PTPRG: variants seen among roughly 807,000 people sequenced by gnomAD.
PTPRG encodes protein tyrosine phosphatase receptor type G.
PTPRG carries 102 observed loss-of-function variants against 165.3 expected under a neutral mutation model. The ratio of observed to expected loss-of-function variants is 0.62; its 90% CI spans 0.53 to 0.73. PTPRG has a LOEUF of 0.73. Ranked by LOEUF, PTPRG falls within the 30% of genes least tolerant of loss-of-function variation. The pLI, the probability that PTPRG is intolerant of heterozygous loss-of-function variation, is 0.00. For synonymous variants in PTPRG, 675 were observed against 669.5 expected, an observed-to-expected ratio of 1.01 and a Z score of -0.13; for missense variants, 1,866 against 1,861.4, an observed-to-expected ratio of 1.00 and a Z score of -0.05.
intron 2 of PTPRG, among the ~76,000 whole-genome samples, chr3:61,787,179 T>A (rs909434074): frequency 6.6e-6 from 1 of 152,176 alleles, no homozygotes; most frequent in Non-Finnish European, 1.5e-5. Flanking sequence ...TGTTCTTCTC[T>A]CCGTCCTAAC....
Position 62,297,072 on chromosome 3 carries a change from T to C in PTPRG, c.*3765T>C, listed in dbSNP as rs1703086112. 6.6e-6 allele frequency: 1 copy of C among 152,094 alleles called. No homozygotes were observed. The highest frequency in any genetic ancestry group is 2.1e-4 in the South Asian group (1 of 4,830). The allele number at this position is 152,094 out of a possible 1,614,324, so 9.4% of individuals were successfully genotyped here. The stretch of plus-strand genomic sequence containing the variant: ...TCACATTGACTCATGTTTCTTTCAC[T>C]CCATTTTGAAATAGCTAAAAATCAT... On this transcript the variant is annotated 3_prime_UTR_variant, in exon 30 of 30. Coordinates refer to ENST00000474889, the MANE Select transcript of PTPRG (RefSeq NM_002841.4).
intron 4 of PTPRG, among the ~76,000 whole-genome samples, chr3:62,005,266 C>T (rs1392312111): frequency 6.6e-6 from 1 of 152,182 alleles, no homozygotes; most frequent in Non-Finnish European, 1.5e-5. Flanking sequence ...AATTGGTTCT[C>T]TTCCACCCTT....
At chr3:61,570,623 G>A (rs547163970) in intron 1 of PTPRG, among the ~76,000 whole-genome samples, 141 of 152,248 alleles carry the variant, frequency 9.3e-4, no homozygotes, top group Non-Finnish European at 1.8e-3. Context: ...ATCCTGCAGT[G>A]CACTTAAATC....
chr3:62,189,419 T>C lies in PTPRG; in HGVS notation c.1034-2050T>C, dbSNP rs549224548. Among the ~76,000 whole-genome samples the C allele has an allele frequency of 2.0e-5, 3 of 152,244 alleles. No homozygotes were observed. In the East Asian group the frequency reaches 5.8e-4, roughly 29 times the overall value. ...TGAGTAGGAAATACGGGAGTCTGGTTCCTGGTGGGCTGCAGGGCATGTGGG... is the reference window on the plus strand; with the variant it reads ...TGAGTAGGAAATACGGGAGTCTGGTCCCTGGTGGGCTGCAGGGCATGTGGG... On this transcript the variant is annotated intron_variant, in intron 8 of 29. Coordinates refer to ENST00000474889, the MANE Select transcript of PTPRG (RefSeq NM_002841.4).
intron 1 of PTPRG, among the ~76,000 whole-genome samples, chr3:61,741,365 C>T (rs2032976941): frequency 6.6e-6 from 1 of 152,176 alleles, no homozygotes; most frequent in African/African-American, 2.4e-5. Flanking sequence ...AGAACTAGGA[C>T]TCTGTATATG....
rs778994257 is a variant in PTPRG at position 62,281,537 on chromosome 3, G to GGTTTTTTTTTTTTTTT, written c.3766-26_3766-25insGTTTTTTTTTTTTTTT. Reference sequence around the variant, plus strand: ...ACAAATCCTTGACAGAACTGCAGAGGCTTTTTTTTTTTTTGGATTCCAAAG... The same window carrying GGTTTTTTTTTTTTTTT: ...ACAAATCCTTGACAGAACTGCAGAGGGTTTTTTTTTTTTTTTCTTTTTTTTTTTTTGGATTCCAAAG... On this transcript the variant is annotated intron_variant, in intron 26 of 29. Transcript: ENST00000474889. 6 of 175,040 alleles carry GGTTTTTTTTTTTTTTT rather than the reference G, an allele frequency of 3.4e-5. 1 individual carries two copies. Among genetic ancestry groups the GGTTTTTTTTTTTTTTT allele is most frequent in the Admixed American group, 2.7e-4 (1 of 3,740 alleles). The allele number at this position is 175,040 out of a possible 1,614,324, so 10.8% of individuals were successfully genotyped here.
intron 2 of PTPRG, among the ~76,000 whole-genome samples, chr3:61,980,879 C>T (rs2040624337): frequency 6.6e-6 from 1 of 152,202 alleles, no homozygotes; most frequent in African/African-American, 2.4e-5. Flanking sequence ...TCTTCATTCA[C>T]ATTCAAGGGA....
At chr3:62,165,791 C>G (rs1351380720) in intron 7 of PTPRG, among the ~76,000 whole-genome samples, 1 of 152,064 alleles carries the variant, frequency 6.6e-6, no homozygotes, top group Non-Finnish European at 1.5e-5. Flanking sequence ...TTTTGCATGG[C>G]TAATATCACT....
intron 26 of PTPRG, among the ~76,000 whole-genome samples, chr3:62,279,368 C>G (rs915777174): frequency 6.6e-6 from 1 of 152,054 alleles, no homozygotes; most frequent in African/African-American, 2.4e-5. Context: ...CATTTTTCTA[C>G]CTTTCTTCTA....
chr3:62,284,831 A>T (rs1702579155), intron 28 of PTPRG, among the ~76,000 whole-genome samples: 1 of 152,128 alleles, frequency 6.6e-6, no homozygotes, highest in Non-Finnish European at 1.5e-5. Flanking sequence ...TTCTTTCAGT[A>T]GACTTTTGAA....
chr3:62,111,691 C>T (rs1008853441), intron 5 of PTPRG, among the ~76,000 whole-genome samples: 4 of 152,152 alleles, frequency 2.6e-5, no homozygotes, highest in Non-Finnish European at 5.9e-5. Flanking sequence ...TCAGGTGACC[C>T]TCTGGCCTCG....
Position 62,295,017 on chromosome 3 carries a change from G to GTCA in PTPRG, c.*1711_*1713dup, listed in dbSNP as rs1228860400. 1 of 152,098 alleles carries GTCA rather than the reference G, an allele frequency of 6.6e-6. No individual in the cohort carries two copies. Among genetic ancestry groups the GTCA allele is most frequent in the Non-Finnish European group, 1.5e-5 (1 of 67,996 alleles). 9.4% of individuals were successfully genotyped at this position (152,098 alleles called of 1,614,324 possible). On this transcript the variant is annotated 3_prime_UTR_variant, in exon 30 of 30. Transcript: ENST00000474889. ...TAAAGAATTTGAATGCAAAGGCCAG[G>GTCA]TCAATGGAGTTTTCATAAACTACAT...
At chr3:61,800,459 G>T (rs947102062) in intron 2 of PTPRG, among the ~76,000 whole-genome samples, 3 of 151,844 alleles carry the variant, frequency 2.0e-5, no homozygotes, top group Admixed American at 6.6e-5. Flanking sequence ...GCCTTGGCTG[G>T]GTTAGAGATT....
chr3:62,111,523 C>T (rs1702665613), intron 5 of PTPRG, among the ~76,000 whole-genome samples: 1 of 152,180 alleles, frequency 6.6e-6, no homozygotes, highest in Non-Finnish European at 1.5e-5. Context: ...GGTCATAGCT[C>T]ACTGCAGCCT....
intron 2 of PTPRG, among the ~76,000 whole-genome samples, chr3:61,953,135 G>T (rs1226645862): frequency 1.3e-5 from 2 of 152,054 alleles, no homozygotes; most frequent in African/African-American, 2.4e-5. Context: ...TCTCTACTCA[G>T]AAACGCTTTC....
intron 16 of PTPRG, among the ~76,000 whole-genome samples, chr3:62,258,505 TTG>T (rs1394752635): frequency 6.6e-6 from 1 of 152,218 alleles, no homozygotes; most frequent in African/African-American, 2.4e-5. Context: ...TGTATTTTCA[TTG>T]GAGATTTCAG....
At chr3:62,096,828 T>C (rs964079863) in intron 5 of PTPRG, among the ~76,000 whole-genome samples, 3 of 152,288 alleles carry the variant, frequency 2.0e-5, no homozygotes, top group South Asian at 4.2e-4. Context: ...AAGAACAAAT[T>C]AGGTGGATGG....
rs764195283 is a variant in PTPRG, at chr3:61,872,842, A to C, written c.191-116783A>C. Among the ~76,000 whole-genome samples, 229 of 152,274 alleles carry C rather than the reference A, an allele frequency of 1.5e-3. 3 individuals carry two copies. Among genetic ancestry groups the C allele is most frequent in the Non-Finnish European group, 5.7e-4 (39 of 68,028 alleles). On this transcript the variant is annotated intron_variant, in intron 2 of 29. Transcript: ENST00000474889. Reference sequence around the variant, plus strand: ...AGTCCATATATTCCCAGAAGAATCCAGAAGTCATGGCCATCAAAGTAAAAT... The same window carrying C: ...AGTCCATATATTCCCAGAAGAATCCCGAAGTCATGGCCATCAAAGTAAAAT...
intron 2 of PTPRG, among the ~76,000 whole-genome samples, chr3:61,987,836 G>A (rs953074658): frequency 1.3e-5 from 2 of 151,978 alleles, no homozygotes; most frequent in African/African-American, 2.4e-5. Flanking sequence ...CTTACGTCTC[G>A]TTCGTCTCCT....
Sources: allele counts gnomAD v4.1 joint callset (sites outside exome capture counted in the v4.1 genomes callset), GRCh38; gene constraint gnomAD v4.1.1; transcripts MANE v1.5; gene names NCBI Gene and HGNC (gene_info 2026-07-23, HGNC 2026-07-21).